Variants in SATB2 observed in about 807,000 individuals in gnomAD.
SATB2 encodes the protein DNA-binding protein SATB2.
A neutral mutation model predicts 73.4 loss-of-function variants in SATB2; 1 was observed. The observed-to-expected ratio is 0.01, with a 90% CI of 0.00 to 0.06. The LOEUF is 0.06. Among genes scored for constraint, SATB2 ranks in the 10% least tolerant of loss-of-function variants. SATB2 has a pLI of 1.00. For synonymous variants in SATB2, 397 were observed against 367.0 expected (o/e 1.08, Z -0.93); for missense variants, 459 against 945.8 (o/e 0.49, Z 6.75).
At chr2:199,399,936 T>C (rs973591033) in intron 3 of SATB2, among the ~76,000 whole-genome samples, 2 of 152,148 alleles carry the variant, frequency 1.3e-5, no homozygotes, top group African/African-American at 4.8e-5. Context: ...AATGTCTCCA[T>C]TTTAGGTTAG....
chr2:199,282,236 G>A (rs1692546245), intron 10 of SATB2, among the ~76,000 whole-genome samples: 2 of 151,908 alleles, frequency 1.3e-5, no homozygotes, highest in Admixed American at 6.6e-5. Context: ...AGCAAAACTA[G>A]TTATTACTTT....
At chr2:199,352,580 T>C (rs780430140) in intron 6 of SATB2, among the ~76,000 whole-genome samples, 1 of 152,150 alleles carries the variant, frequency 6.6e-6, no homozygotes, top group Non-Finnish European at 1.5e-5. Context: ...ACATATTACA[T>C]CCGTAGTAAC....
At chr2:199,438,358 T>C (rs1335283583) in intron 2 of SATB2, among the ~76,000 whole-genome samples, 1 of 152,208 alleles carries the variant, frequency 6.6e-6, no homozygotes. Flanking sequence ...AGGCCAATAG[T>C]GTGACTGTCG....
At chr2:199,311,307 T>C (rs1388340876) in intron 9 of SATB2, among the ~76,000 whole-genome samples, 3 of 152,094 alleles carry the variant, frequency 2.0e-5, no homozygotes, top group Admixed American at 6.6e-5. Context: ...TTAATCTAGT[T>C]TCCCCACAAA....
intron 7 of SATB2, among the ~76,000 whole-genome samples, chr2:199,345,112 T>C (rs1256745087): frequency 6.6e-6 from 1 of 151,998 alleles, no homozygotes; most frequent in Non-Finnish European, 1.5e-5. Context: ...TCTTCTCTCT[T>C]TCCTGGGGCT....
intron 7 of SATB2, among the ~76,000 whole-genome samples, chr2:199,340,565 T>G (rs1364787219): frequency 6.6e-6 from 1 of 152,130 alleles, no homozygotes. Flanking sequence ...GCCTGAAACT[T>G]TCTTAATTAT....
intron 10 of SATB2, among the ~76,000 whole-genome samples, chr2:199,294,352 T>C (rs1692961680): frequency 6.6e-6 from 1 of 152,158 alleles, no homozygotes; most frequent in African/African-American, 2.4e-5. Context: ...GAAAATTTCT[T>C]CTCTCCTGGT....
At chr2:199,388,007 T>C (rs1690011804) in intron 3 of SATB2, among the ~76,000 whole-genome samples, 1 of 152,232 alleles carries the variant, frequency 6.6e-6, no homozygotes, top group Non-Finnish European at 1.5e-5. Context: ...TCTCAGTAAA[T>C]GCATAATTCA....
At chr2:199,449,269 A>C (rs554837655) in intron 2 of SATB2, among the ~76,000 whole-genome samples, 2 of 152,320 alleles carry the variant, frequency 1.3e-5, no homozygotes, top group South Asian at 4.1e-4. Context: ...AAATAAGTAA[A>C]ACTTTTTAAT....
chr2:199,300,415 T>C (rs1271230656), intron 10 of SATB2, among the ~76,000 whole-genome samples: 1 of 151,598 alleles, frequency 6.6e-6, no homozygotes, highest in Non-Finnish European at 1.5e-5. Context: ...GGTTTAATAT[T>C]ATACCTGGCT....
chr2:199,452,493 T>C (rs1692153270), intron 2 of SATB2, among the ~76,000 whole-genome samples: 1 of 152,182 alleles, frequency 6.6e-6, no homozygotes, highest in South Asian at 2.1e-4. Flanking sequence ...AAAAGGATCA[T>C]CTGATTCTTA....
chr2:199,382,259 A>T (rs1689801304), intron 3 of SATB2, among the ~76,000 whole-genome samples: 1 of 152,180 alleles, frequency 6.6e-6, no homozygotes, highest in African/African-American at 2.4e-5. Context: ...ACGCAGTTAC[A>T]TCCTGACTGT....
At chr2:199,413,479 T>C (rs1559039670) in intron 3 of SATB2, among the ~76,000 whole-genome samples, 1 of 152,128 alleles carries the variant, frequency 6.6e-6, no homozygotes, top group Admixed American at 6.5e-5. Context: ...GCCCCTCTGC[T>C]CTCTGCCTTC....
chr2:199,293,293 A>G (rs1448345985), intron 10 of SATB2, among the ~76,000 whole-genome samples: 1 of 152,114 alleles, frequency 6.6e-6, no homozygotes, highest in Non-Finnish European at 1.5e-5. Flanking sequence ...AACATAATTC[A>G]TTCCATTATA....
Position 199,455,312 on chromosome 2 carries a change from ACAG to A in SATB2, c.169+554_169+556del, listed in dbSNP as rs996617884. On this transcript the variant is annotated intron_variant, in intron 2 of 10. Transcript: ENST00000417098. The surrounding 1 kb of genome is among the most constrained non-coding windows in gnomAD (Gnocchi z 4.1). ...TGCATATGACTAAACTTTATAGACA[ACAG>A]CAGCATTTAAGCTTCTAAGGGCCTG... is the stretch of plus-strand genomic sequence containing the variant. Among the ~76,000 whole-genome samples, 13 of 152,334 alleles carry A rather than the reference ACAG, an allele frequency of 8.5e-5. No individual in the cohort carries two copies. The highest frequency in any genetic ancestry group is 2.9e-4 in the African/African-American group (12 of 41,570).
chr2:199,394,810 C>A (rs1043340802), intron 3 of SATB2, among the ~76,000 whole-genome samples: 2 of 151,884 alleles, frequency 1.3e-5, no homozygotes, highest in Non-Finnish European at 2.9e-5. Flanking sequence ...TTTTTTAATT[C>A]AACCATCCTT....
At chr2:199,445,008 T>C (rs1691923861) in intron 2 of SATB2, among the ~76,000 whole-genome samples, 4 of 152,208 alleles carry the variant, frequency 2.6e-5, no homozygotes, top group African/African-American at 9.7e-5. Context: ...TAAAAAGAAC[T>C]GTCTCCCACA....
chr2:199,355,340 G>A lies in SATB2; in HGVS notation c.701-6167C>T, dbSNP rs373956684. Among the ~76,000 whole-genome samples the A allele has an allele frequency of 9.4e-4, 13 of 13,858 alleles. No homozygotes were observed. In the East Asian group the frequency reaches 0.012, roughly 13 times the overall value. 9.1% of individuals were successfully genotyped at this position (13,858 alleles called of 152,430 possible). ...TACATATGTATGTGTGTGTGTGTGT[G>A]TGTGTATCTATATATATATATATAT... On this transcript the variant is annotated intron_variant, in intron 6 of 10. Coordinates refer to ENST00000417098, the MANE Select transcript of SATB2 (RefSeq NM_001172509.2).
upstream of SATB2, chr2:199,465,147 T>C (rs1574654099): frequency 1.3e-5 from 2 of 152,324 alleles, no homozygotes; most frequent in East Asian, 3.9e-4. Flanking sequence ...AACCGGCAAT[T>C]GCGTGTGCGT....
Sources: gnomAD v4.1 joint callset for allele counts (sites outside exome capture counted in the v4.1 genomes callset) on GRCh38, gnomAD v4.1.1 for gene constraint, Gnocchi (gnomAD v3.1) non-coding constraint, MANE v1.5 for transcripts, NCBI Gene and HGNC (gene_info 2026-07-23, HGNC 2026-07-21) for gene names.